USP54: variants seen among roughly 807,000 people sequenced by gnomAD.
The protein encoded by USP54 is ubiquitin specific peptidase 54.
Under a neutral mutation model 170.5 loss-of-function variants are expected in USP54, and 87 were observed. The observed-to-expected ratio is 0.51, with a 90% CI of 0.43 to 0.61. USP54 has a LOEUF of 0.61. USP54 is among the 20% of genes least tolerant of loss of function. The pLI is 0.00. For missense variants in USP54, 1,786 were observed against 2,047.8 expected (o/e 0.87, Z 2.47); for synonymous variants, 655 against 742.8 (o/e 0.88, Z 1.92).
Position 73,517,636 on chromosome 10 carries a change from A to G in USP54, c.2790T>C (p.His930=). 3.1e-6 allele frequency: 5 copies of G among 1,614,228 alleles called. No individual in the cohort carries two copies. The African/African-American group carries it at 6.7e-5, about 22-fold the overall frequency. The change falls in exon 20 of 24, where the codon CAT becomes CAC. Residue 930 remains histidine, a synonymous_variant. Transcript: ENST00000687698. ...CTGGAGATAGTGATGAGTGTGACTC[A>G]TGGCAGGAAGCAGGTGAATGGAAGA... ...SSFFHSPASC[H]ESHSSLSPES...
At chr10:73,625,551 C>G (rs1475252325) in intron 1 of USP54, 1 of 152,538 alleles carries the variant, frequency 6.6e-6, no homozygotes, top group Non-Finnish European at 1.5e-5. Context: ...AGCGTCTGTG[C>G]TCTCATTCAA....
chr10:73,623,220 A>G (rs990890404), intron 1 of USP54, among the ~76,000 whole-genome samples: 3 of 151,972 alleles, frequency 2.0e-5, no homozygotes, highest in African/African-American at 7.2e-5. Flanking sequence ...TCGTCTCTAC[A>G]AAAAAAATTT....
chr10:73,600,297 G>A (rs1213396812), intron 1 of USP54, among the ~76,000 whole-genome samples: 5 of 152,030 alleles, frequency 3.3e-5, no homozygotes, highest in Non-Finnish European at 5.9e-5. Context: ...TTTAATTAGC[G>A]GTTGACAGGA....
chr10:73,524,755 C>T (rs753397816), intron 16 of USP54, among the ~76,000 whole-genome samples: 19 of 152,204 alleles, frequency 1.2e-4, no homozygotes, highest in Non-Finnish European at 7.4e-5. Context: ...GATACTATTA[C>T]CCCCATTTTA....
rs1238264581 is a variant in USP54, at chr10:73,530,133, ATC to A, written c.1828+8_1828+9del. 8 of 1,586,222 alleles carry A rather than the reference ATC, an allele frequency of 5.0e-6. No homozygotes were observed. The highest frequency in any genetic ancestry group is 6.8e-6 in the Non-Finnish European group (8 of 1,168,732). ...TCAAAAGCCCAATTCTTCCCTAATT[ATC>A]TCCTCACCTGAATCCTCAGAAAAGG... On this transcript the variant is annotated splice_region_variant and intron_variant, in intron 14 of 23. Coordinates refer to ENST00000687698, the MANE Select transcript of USP54 (RefSeq NM_001391956.1).
intron 4 of USP54, among the ~76,000 whole-genome samples, chr10:73,554,189 C>G (rs996785306): frequency 6.6e-6 from 1 of 152,174 alleles, no homozygotes; most frequent in Non-Finnish European, 1.5e-5. Flanking sequence ...AAGGTTGTCA[C>G]TAATTTTGGT....
upstream of USP54, among the ~76,000 whole-genome samples, chr10:73,592,325 A>G (rs1343657431): frequency 6.6e-6 from 1 of 152,222 alleles, no homozygotes; most frequent in Non-Finnish European, 1.5e-5. Context: ...GAGAAAATAT[A>G]CGAGTTGACT....
At chr10:73,617,347 G>A (rs1296861371) in intron 1 of USP54, among the ~76,000 whole-genome samples, 4 of 148,562 alleles carry the variant, frequency 2.7e-5, no homozygotes, top group Admixed American at 6.6e-5. Flanking sequence ...TCCCAGTTAC[G>A]TGGGAGGCTG....
chr10:73,622,843 A>C (rs987090285), intron 1 of USP54, among the ~76,000 whole-genome samples: 11 of 152,130 alleles, frequency 7.2e-5, no homozygotes, highest in Middle Eastern at 3.4e-3. Flanking sequence ...GGAGAGGCTG[A>C]AAAGCAAGAG....
chr10:73,625,114 TG>T (rs2081415873), intron 1 of USP54, among the ~76,000 whole-genome samples: 1 of 152,202 alleles, frequency 6.6e-6, no homozygotes, highest in South Asian at 2.1e-4. Context: ...TGAATGAGTC[TG>T]GGAAGAAACG....
chr10:73,552,228 T>C (rs2069558114), intron 4 of USP54, among the ~76,000 whole-genome samples: 1 of 152,010 alleles, frequency 6.6e-6, no homozygotes, highest in Non-Finnish European at 1.5e-5. Context: ...GCCTGACCAA[T>C]ATGGTGAAAT....
chr10:73,518,476 T>C (rs1306095115), intron 19 of USP54, among the ~76,000 whole-genome samples: 1 of 152,164 alleles, frequency 6.6e-6, no homozygotes, highest in Non-Finnish European at 1.5e-5. Flanking sequence ...AAAGCCTCGA[T>C]CACTCACATA....
In USP54 at chr10:73,498,846, G is replaced by T; in HGVS notation, c.4838C>A (p.Pro1613His). Residue 1613 changes from proline (P) to histidine (H), a missense_variant, in exon 24 of 24, where the codon CCC (proline) becomes CAC (histidine). This residue lies in a region of USP54 where 1,418 missense variants were observed against 1,569.0 expected (regional missense o/e 0.90). Coordinates refer to ENST00000687698, the MANE Select transcript of USP54 (RefSeq NM_001391956.1). Reference protein sequence around the residue: ...VYPPSSSLHVPLRSAWNSDPV... With the variant: ...VYPPSSSLHVHLRSAWNSDPV... ...ATCTGAATTCCAAGCTGACCTCAGG[G>T]GTACATGAAGACTGCTAGATGGTGG... The T allele has an allele frequency of 6.2e-7, 1 of 1,613,294 alleles. No homozygotes were observed. The highest frequency in any genetic ancestry group is 8.5e-7 in the Non-Finnish European group (1 of 1,179,498).
rs1325038897 is a variant in USP54, at chr10:73,498,657, G to T, written c.5027C>A (p.Ala1676Asp). 6.4e-7 allele frequency: 1 copy of T among 1,570,266 alleles called. No homozygotes were observed. The highest frequency in any genetic ancestry group is 1.2e-5 in the South Asian group (1 of 84,208). ...CCATTGACTGTGCTGCAGGACTCTA[G>T]CCCTGATCTGCTCTCTTCTGGGAGC... Reference protein sequence around the residue: ...SDAPRREQIRARVLQHSQW With the variant: ...SDAPRREQIRDRVLQHSQW Residue 1676 changes from alanine to aspartate, a missense_variant, in exon 24 of 24, where the codon GCT becomes GAT. Ala to Asp is a moderately radical substitution (Grantham distance 126). Coordinates refer to ENST00000687698, the MANE Select transcript of USP54 (RefSeq NM_001391956.1).
chr10:73,614,888 A>G (rs1421958614), intron 1 of USP54, among the ~76,000 whole-genome samples: 1 of 150,460 alleles, frequency 6.6e-6, no homozygotes, highest in Non-Finnish European at 1.5e-5. Flanking sequence ...AAAGACAGAT[A>G]TGAAATTTTA....
intron 16 of USP54, among the ~76,000 whole-genome samples, chr10:73,524,100 G>A (rs531277517): frequency 6.2e-4 from 93 of 149,538 alleles, no homozygotes; most frequent in African/African-American, 2.2e-3. Context: ...TAGAGACGGG[G>A]TTTCACCATG....
At chr10:73,533,199 G>A (rs1237811174) in intron 12 of USP54, among the ~76,000 whole-genome samples, 1 of 152,018 alleles carries the variant, frequency 6.6e-6, no homozygotes, top group Non-Finnish European at 1.5e-5. Context: ...CCAGCTACTC[G>A]GGAGGCTGAG....
At chr10:73,569,898 T>C (rs1358351700) in intron 4 of USP54, among the ~76,000 whole-genome samples, 3 of 49,258 alleles carry the variant, frequency 6.1e-5, no homozygotes, top group African/African-American at 1.3e-4. Context: ...CAAGATTTCA[T>C]CTCCAAAAAA....
chr10:73,595,442 G>A (rs960921744), upstream of USP54, among the ~76,000 whole-genome samples: 11 of 152,170 alleles, frequency 7.2e-5, no homozygotes, highest in Non-Finnish European at 1.5e-4. Context: ...GTAGAGGGAA[G>A]AGAAAAAAAC....
Sources: allele counts gnomAD v4.1 joint callset (sites outside exome capture counted in the v4.1 genomes callset), GRCh38; gene constraint gnomAD v4.1.1; regional missense constraint gnomAD v4.1.1; transcripts MANE v1.5; gene names NCBI Gene and HGNC (gene_info 2026-07-23, HGNC 2026-07-21).